The following PPP1R14C variants were observed in gnomAD, a reference collection of about 807,000 sequenced individuals.
PPP1R14C encodes protein phosphatase 1 regulatory subunit 14C.
In PPP1R14C, 16 loss-of-function variants were observed where a neutral mutation model predicts 20.4. That is an observed-to-expected ratio of 0.78 (90% CI 0.53 to 1.19). The LOEUF (loss-of-function observed/expected upper bound fraction) is 1.19. Ranked by LOEUF, PPP1R14C falls within the 50% of genes most tolerant of loss-of-function variation. PPP1R14C has a pLI of 0.00. For synonymous variants in PPP1R14C, 91 were observed against 91.0 expected (o/e 1.00, Z 0.00); for missense variants, 211 against 220.1 (o/e 0.96, Z 0.26).
chr6:150,172,117 T>C (rs1960194), intron 1 of PPP1R14C, among the ~76,000 whole-genome samples: 37,649 of 152,104 alleles, frequency 0.25, 4,979 homozygotes, highest in South Asian at 0.35. Context: ...CCAGAGTCTC[T>C]CCCTTTCTTT....
At chr6:150,242,837 G>A (rs983014351) in intron 3 of PPP1R14C, among the ~76,000 whole-genome samples, 2 of 152,048 alleles carry the variant, frequency 1.3e-5, no homozygotes, top group African/African-American at 4.8e-5. Context: ...ACTAATATGA[G>A]TTCAGCAAGC....
At chr6:150,212,793 C>T (rs980568651) in intron 1 of PPP1R14C, among the ~76,000 whole-genome samples, 7 of 152,172 alleles carry the variant, frequency 4.6e-5, no homozygotes, top group African/African-American at 7.2e-5. Flanking sequence ...ACTGTGTTAC[C>T]GTTGCCTACA....
intron 1 of PPP1R14C, among the ~76,000 whole-genome samples, chr6:150,147,810 TTTCA>T (rs1777196736): frequency 1.3e-5 from 2 of 152,196 alleles, no homozygotes; most frequent in Non-Finnish European, 2.9e-5. Flanking sequence ...TTATTATACC[TTTCA>T]GTCTTCCCTG....
intron 1 of PPP1R14C, among the ~76,000 whole-genome samples, chr6:150,193,615 A>AG: frequency 8.5e-6 from 1 of 117,174 alleles, no homozygotes; most frequent in Admixed American, 9.2e-5. Flanking sequence ...GGCTGGGAGA[A>AG]GGGGAGGAGG....
chr6:150,247,728 T>G (rs1363006622), intron 3 of PPP1R14C, among the ~76,000 whole-genome samples: 1 of 152,230 alleles, frequency 6.6e-6, no homozygotes, highest in Non-Finnish European at 1.5e-5. Context: ...CTTAGTGTGA[T>G]CTACACCAGT....
intron 1 of PPP1R14C, among the ~76,000 whole-genome samples, chr6:150,190,117 T>C (rs1198318507): frequency 6.6e-6 from 1 of 152,242 alleles, no homozygotes; most frequent in East Asian, 1.9e-4. Flanking sequence ...CTTATCCTTC[T>C]GCATGCTATA....
At chr6:150,242,109 CAACAA>C (rs557707845) in intron 3 of PPP1R14C, among the ~76,000 whole-genome samples, 79 of 151,964 alleles carry the variant, frequency 5.2e-4, no homozygotes, top group African/African-American at 1.5e-3. Context: ...CTCAAACACA[CAACAA>C]AACAAAACAA....
chr6:150,164,964 T>C (rs1227018155), intron 1 of PPP1R14C, among the ~76,000 whole-genome samples: 1 of 152,160 alleles, frequency 6.6e-6, no homozygotes, highest in Non-Finnish European at 1.5e-5. Context: ...GGAGGACACA[T>C]TGAGAAGTTA....
At chr6:150,230,267 T>C (rs1778278872) in intron 3 of PPP1R14C, among the ~76,000 whole-genome samples, 2 of 152,140 alleles carry the variant, frequency 1.3e-5, no homozygotes, top group African/African-American at 4.8e-5. Context: ...TTCCCACCCA[T>C]CTGCTAATGT....
chr6:150,218,288 A>C (rs968220475), intron 3 of PPP1R14C, among the ~76,000 whole-genome samples: 8 of 152,080 alleles, frequency 5.3e-5, no homozygotes, highest in Non-Finnish European at 5.9e-5. Flanking sequence ...CTGTAGTCCT[A>C]GCTACTCGGG....
intron 1 of PPP1R14C, among the ~76,000 whole-genome samples, chr6:150,164,147 A>G (rs768834159): frequency 1.3e-5 from 2 of 152,090 alleles, no homozygotes; most frequent in Non-Finnish European, 2.9e-5. Flanking sequence ...GCCCCTTTTC[A>G]TATGTTTACT....
At chr6:150,174,838 C>T (rs999145052) in intron 1 of PPP1R14C, among the ~76,000 whole-genome samples, 6 of 151,652 alleles carry the variant, frequency 4.0e-5, no homozygotes, top group African/African-American at 1.5e-4. Context: ...TGGTGTCGCA[C>T]GCCTGTAATC....
In PPP1R14C at chr6:150,229,692, A is replaced by G. The variant is rs533574016; in HGVS notation, c.423+12836A>G. On this transcript the variant is annotated intron_variant, in intron 3 of 3. Transcript: ENST00000361131. ...AGTGGTTTTAAGTTAAAGGAGGGGG[A>G]AAAAACAGGATGTAGTTAAGACCTT... Among the ~76,000 whole-genome samples the G allele has an allele frequency of 2.0e-4, 31 of 152,254 alleles. 2 individuals are homozygous for G. In the South Asian group the frequency reaches 3.3e-3, roughly 16 times the overall value.
chr6:150,210,505 G>A lies in PPP1R14C; in HGVS notation c.307-4239G>A, dbSNP rs569235940. 2.6e-5 allele frequency among the ~76,000 whole-genome samples: 4 copies of A among 152,122 alleles called. No individual in the cohort carries two copies. In the East Asian group the frequency reaches 5.8e-4, roughly 22 times the overall value. On this transcript the variant is annotated intron_variant, in intron 1 of 3. Transcript: ENST00000361131. The stretch of plus-strand genomic sequence containing the variant: ...CCTCCTGCCTCCTCCCTGTTATCCC[G>A]GGCTCCGCAGTGGGGCCATCTCTTC...
chr6:150,205,967 G>T (rs1319703748), intron 1 of PPP1R14C, among the ~76,000 whole-genome samples: 1 of 151,970 alleles, frequency 6.6e-6, no homozygotes, highest in Non-Finnish European at 1.5e-5. Flanking sequence ...GCCTCTGAAA[G>T]AATGAGAACC....
intron 1 of PPP1R14C, chr6:150,164,784 T>A (rs1012836965): frequency 1.3e-5 from 2 of 152,272 alleles, no homozygotes; most frequent in African/African-American, 2.4e-5. Flanking sequence ...GTAGATTGAA[T>A]GTTTATATCC....
At chr6:150,236,000 A>C (rs560879847) in intron 3 of PPP1R14C, among the ~76,000 whole-genome samples, 1 of 152,294 alleles carries the variant, frequency 6.6e-6, no homozygotes, top group African/African-American at 2.4e-5. Context: ...TTAGACTATA[A>C]TTACCTAACC....
chr6:150,177,989 G>A (rs1479846906), intron 1 of PPP1R14C, among the ~76,000 whole-genome samples: 1 of 152,214 alleles, frequency 6.6e-6, no homozygotes, highest in Admixed American at 6.5e-5. Context: ...ACTGGTTAAT[G>A]TTTTACCTCG....
At chr6:150,179,425 AGGAGGGAG>A (rs549534470) in intron 1 of PPP1R14C, among the ~76,000 whole-genome samples, 1 of 102,046 alleles carries the variant, frequency 9.8e-6, no homozygotes, top group African/African-American at 3.8e-5. Context: ...AGAGAAAGAA[AGGAGGGAG>A]GGAGGGAGGG....
Sources: allele counts gnomAD v4.1 joint callset (sites outside exome capture counted in the v4.1 genomes callset), GRCh38; gene constraint gnomAD v4.1.1; transcripts MANE v1.5; gene names NCBI Gene and HGNC (gene_info 2026-07-23, HGNC 2026-07-21).